TRIM16: variants seen among roughly 807,000 people sequenced by gnomAD.
The protein encoded by TRIM16 is tripartite motif containing 16.
TRIM16 carries 33 observed loss-of-function variants against 50.4 expected under a neutral mutation model. The ratio of observed to expected loss-of-function variants is 0.65; its 90% CI spans 0.50 to 0.88. The LOEUF (loss-of-function observed/expected upper bound fraction) is 0.88, where lower values mean the gene tolerates loss of function less well. Ranked by LOEUF, TRIM16 falls within the 40% of genes least tolerant of loss-of-function variation. The pLI, the probability that TRIM16 is intolerant of heterozygous loss-of-function variation, is 0.00. For synonymous variants in TRIM16, 229 were observed against 270.7 expected (o/e 0.85, Z 1.51); for missense variants, 581 against 686.8 (o/e 0.85, Z 1.72).
At chr17:15,678,643 C>G (rs2530106) in intron 4 of TRIM16, among the ~76,000 whole-genome samples, 2 of 152,228 alleles carry the variant, frequency 1.3e-5, no homozygotes, top group African/African-American at 2.4e-5. Flanking sequence ...TATATACCCA[C>G]TCACATGGCT....
intron 6 of TRIM16, among the ~76,000 whole-genome samples, chr17:15,661,681 C>T (rs967835093): frequency 2.0e-5 from 3 of 152,168 alleles, no homozygotes. Flanking sequence ...ATGCTTAGTA[C>T]AATGTGTCCC....
intron 6 of TRIM16, among the ~76,000 whole-genome samples, chr17:15,666,169 G>C (rs1306219275): frequency 1.3e-5 from 2 of 152,170 alleles, no homozygotes; most frequent in Admixed American, 1.3e-4. Context: ...CTCCACACTA[G>C]AATTCCTACA....
intron 7 of TRIM16, among the ~76,000 whole-genome samples, chr17:15,650,052 G>T (rs1987610973): frequency 6.6e-6 from 1 of 152,170 alleles, no homozygotes; most frequent in African/African-American, 2.4e-5. Context: ...GGAATACAGA[G>T]GTTTCCAGAA....
chr17:15,657,413 T>C (rs895623726), intron 6 of TRIM16, among the ~76,000 whole-genome samples: 6 of 152,208 alleles, frequency 3.9e-5, no homozygotes, highest in Admixed American at 2.0e-4. Context: ...ATTATAACCA[T>C]TGGTAAGTGT....
intron 9 of TRIM16, among the ~76,000 whole-genome samples, chr17:15,634,631 C>CAAAA (rs529477449): frequency 1.2e-5 from 1 of 82,730 alleles, no homozygotes; most frequent in Non-Finnish European, 2.4e-5. Context: ...AACTCAGTCT[C>CAAAA]AAAAAAAAAA....
At chr17:15,665,614 C>T (rs1270275385) in intron 6 of TRIM16, among the ~76,000 whole-genome samples, 1 of 152,146 alleles carries the variant, frequency 6.6e-6, no homozygotes, top group African/African-American at 2.4e-5. Flanking sequence ...CTCCTGGCTG[C>T]CCACATCTCA....
At chr17:15,679,657 G>T (rs1000436259) in intron 4 of TRIM16, among the ~76,000 whole-genome samples, 6 of 152,242 alleles carry the variant, frequency 3.9e-5, no homozygotes, top group Admixed American at 1.3e-4. Flanking sequence ...GGCCAAGCTG[G>T]CCGGGCGTGG....
chr17:15,668,101 G>A (rs138357723), intron 6 of TRIM16, among the ~76,000 whole-genome samples: 6 of 151,606 alleles, frequency 4.0e-5, no homozygotes, highest in African/African-American at 1.2e-4. Context: ...CACCCCGCAC[G>A]ATCTATCTGC....
intron 6 of TRIM16, among the ~76,000 whole-genome samples, chr17:15,654,999 G>GAA (rs11440436): frequency 2.4e-4 from 36 of 147,510 alleles, no homozygotes; most frequent in East Asian, 5.9e-4. Flanking sequence ...TTTAAAAATT[G>GAA]AAAAAAAAAA....
intron 6 of TRIM16, among the ~76,000 whole-genome samples, chr17:15,669,782 T>C (rs1470360774): frequency 1.3e-5 from 2 of 152,266 alleles, no homozygotes; most frequent in Non-Finnish European, 2.9e-5. Context: ...TAAAAATTCC[T>C]GAATCTCAGT....
intron 6 of TRIM16, among the ~76,000 whole-genome samples, chr17:15,674,143 G>A (rs184715479): frequency 1.8e-4 from 27 of 152,240 alleles, no homozygotes; most frequent in Admixed American, 3.9e-4. Context: ...AGGCTGAGAC[G>A]GGCGGATCAT....
At chr17:15,634,279 A>G (rs1286136360) in intron 9 of TRIM16, among the ~76,000 whole-genome samples, 2 of 147,694 alleles carry the variant, frequency 1.4e-5, no homozygotes, top group Non-Finnish European at 3.0e-5. Flanking sequence ...CAGTGAGCCA[A>G]GATCGTGCCA....
intron 6 of TRIM16, among the ~76,000 whole-genome samples, chr17:15,652,456 T>G (rs553744409): frequency 2.2e-3 from 114 of 51,274 alleles, no homozygotes; most frequent in African/African-American, 0.017. Flanking sequence ...GGTGCCCACC[T>G]TTTTTTTTTT....
intron 9 of TRIM16, 94 bp from the exon 10 acceptor site, chr17:15,632,768 T>G: frequency 7.3e-7 from 1 of 1,374,524 alleles, no homozygotes; most frequent in African/African-American, 1.5e-5. Flanking sequence ...ATCTGTAAAA[T>G]GGGCTGACGG....
chr17:15,644,864 G>A (rs1271609534), intron 7 of TRIM16, among the ~76,000 whole-genome samples: 1 of 151,812 alleles, frequency 6.6e-6, no homozygotes, highest in Non-Finnish European at 1.5e-5. Flanking sequence ...CGTCCAGGCT[G>A]GAGTGCAATG....
At chr17:15,654,970 C>T (rs928068286) in intron 6 of TRIM16, among the ~76,000 whole-genome samples, 8 of 151,480 alleles carry the variant, frequency 5.3e-5, no homozygotes, top group Non-Finnish European at 1.0e-4. Flanking sequence ...TCATTGAAGT[C>T]CTTATATTTT....
At chr17:15,636,406 T>C in intron 8 of TRIM16, 137 bp from the exon 9 acceptor site, 1 of 769,394 alleles carries the variant, frequency 1.3e-6, no homozygotes, top group African/African-American at 1.8e-5. Flanking sequence ...AAAGGAATCC[T>C]TTATTCTCAT....
rs1430013295 is a variant in TRIM16 at position 15,631,647 on chromosome 17, C to G, written c.1083G>C (p.Glu361Asp). The G allele has an allele frequency of 6.2e-7, 1 of 1,613,784 alleles. No homozygotes were observed. The highest frequency in any genetic ancestry group is 8.5e-7 in the Non-Finnish European group (1 of 1,179,870). ...VQRKYWTSKP[E>D]PSTREQFLQY... ...GGAGGAACTGTTCCCTGGTGCTGGG[C>G]TCAGGTTTGGAAGTCCAATATTTGC... The change falls in exon 11 of 12, where the codon GAG (glutamate) becomes GAC (aspartate). Residue 361 changes from glutamate (E) to aspartate (D), a missense_variant. Glu to Asp is a conservative substitution (Grantham distance 45). Transcript: ENST00000649191.
chr17:15,678,143 C>A lies in TRIM16; in HGVS notation c.-589-422G>T, dbSNP rs1021869144. Among the ~76,000 whole-genome samples, 8 of 151,356 alleles carry A rather than the reference C, an allele frequency of 5.3e-5. No homozygotes were observed. In the South Asian group the frequency reaches 8.3e-4, roughly 16 times the overall value. On this transcript the variant is annotated intron_variant, in intron 4 of 11. Transcript: ENST00000649191. ...CTGAAGCAGGAGAATGGCGTGAACC[C>A]GGGAGGCGAAGCTTGCAGTGAGCCG...
Sources: allele counts gnomAD v4.1 joint callset (sites outside exome capture counted in the v4.1 genomes callset), GRCh38; gene constraint gnomAD v4.1.1; transcripts MANE v1.5; gene names NCBI Gene and HGNC (gene_info 2026-07-23, HGNC 2026-07-21).